The following RBFOX1 variants were observed in gnomAD, a reference collection of about 807,000 sequenced individuals.
RBFOX1 encodes the protein RNA binding fox-1 homolog 1, also known as RNA binding protein fox-1 homolog 1.
Under a neutral mutation model 57.7 loss-of-function variants are expected in RBFOX1, and 8 were observed. The ratio of observed to expected loss-of-function variants is 0.14; its 90% CI spans 0.08 to 0.25. RBFOX1 has a LOEUF of 0.25. Ranked by LOEUF, RBFOX1 falls within the 10% of genes least tolerant of loss-of-function variation. The pLI is 1.00. For missense variants in RBFOX1, 611 were observed against 548.5 expected (o/e 1.11, Z -1.14); for synonymous variants, 326 against 222.4 (o/e 1.47, Z -4.15).
chr16:5,866,170 T>A (rs2057339333), intron 3 of RBFOX1, among the ~76,000 whole-genome samples: 2 of 152,162 alleles, frequency 1.3e-5, no homozygotes, highest in African/African-American at 2.4e-5. Flanking sequence ...GGTTTCACCA[T>A]GTTGGCCAAG....
At chr16:7,107,136 C>T (rs763390322) in intron 4 of RBFOX1, among the ~76,000 whole-genome samples, 7 of 152,104 alleles carry the variant, frequency 4.6e-5, no homozygotes, top group Non-Finnish European at 1.0e-4. Context: ...AGTCAGAATG[C>T]AAGAACATTG....
intron 1 of RBFOX1, among the ~76,000 whole-genome samples, chr16:6,027,979 C>G (rs761384244): frequency 6.6e-6 from 1 of 152,096 alleles, no homozygotes; most frequent in Non-Finnish European, 1.5e-5. Context: ...ATTTATTAGA[C>G]TCGTTATGAA....
rs1368993407 is a variant in RBFOX1 at position 5,908,105 on chromosome 16, T to C, written c.351+40770T>C. 7.9e-5 allele frequency among the ~76,000 whole-genome samples: 11 copies of C among 139,460 alleles called. 1 individual carries two copies. The highest frequency in any genetic ancestry group is 4.2e-4 in the Admixed American group (6 of 14,232). 91.5% of individuals were successfully genotyped at this position (139,460 alleles called of 152,430 possible). A position where few individuals can be genotyped will look rare whatever the true frequency, so the allele number is the denominator to read the frequency against. On this transcript the variant is annotated intron_variant, in intron 4 of 19. Transcript: ENST00000641259. ...ATATATACACATATATACACATATA[T>C]ATATACACATATATACACATATATA...
chr16:5,875,604 T>G (rs1250389316), intron 4 of RBFOX1, among the ~76,000 whole-genome samples: 3 of 152,174 alleles, frequency 2.0e-5, no homozygotes, highest in Non-Finnish European at 4.4e-5. Flanking sequence ...TTTATTAGTG[T>G]GCTTGGTGAC....
intron 1 of RBFOX1, among the ~76,000 whole-genome samples, chr16:6,209,526 T>A (rs1264214735): frequency 6.6e-6 from 1 of 152,248 alleles, no homozygotes; most frequent in East Asian, 1.9e-4. Context: ...GCAGGCAATT[T>A]GCAGATAAAG....
At chr16:6,916,076 C>CTTATAT (rs1435399419) in intron 3 of RBFOX1, among the ~76,000 whole-genome samples, 1 of 152,080 alleles carries the variant, frequency 6.6e-6, no homozygotes, top group African/African-American at 2.4e-5. Context: ...AGACCCAGGG[C>CTTATAT]TTATATACCT....
At chr16:5,581,164 C>CG (rs1418109680) in intron 2 of RBFOX1, among the ~76,000 whole-genome samples, 49 of 151,494 alleles carry the variant, frequency 3.2e-4, no homozygotes, top group South Asian at 1.5e-3. Flanking sequence ...CTCCTATGTG[C>CG]ATTTTTTTTT....
chr16:5,260,825 T>A, intron 1 of RBFOX1: 1 of 152,316 alleles, frequency 6.6e-6, no homozygotes, highest in East Asian at 1.9e-4. Flanking sequence ...TTCATTTTTC[T>A]TTGCATAATT....
intron 4 of RBFOX1, among the ~76,000 whole-genome samples, chr16:7,497,971 CAAGCTTTTAA>C (rs1294917085): frequency 6.6e-6 from 1 of 152,192 alleles, no homozygotes; most frequent in Non-Finnish European, 1.5e-5. Context: ...AGAGTAAAAA[CAAGCTTTTAA>C]AAGCTTTTAC....
chr16:6,265,156 C>A (rs980043844), intron 1 of RBFOX1, among the ~76,000 whole-genome samples: 1 of 152,192 alleles, frequency 6.6e-6, no homozygotes, highest in Admixed American at 6.5e-5. Context: ...CACGAGGAAA[C>A]CTGAAAGGAA....
chr16:6,676,703 C>G (rs1423885922), intron 3 of RBFOX1, among the ~76,000 whole-genome samples: 1 of 101,924 alleles, frequency 9.8e-6, no homozygotes, highest in South Asian at 3.1e-4. Context: ...GAGACAAAGT[C>G]TCACTCTTGT....
At chr16:7,594,242 A>T (rs2094580686) in intron 7 of RBFOX1, among the ~76,000 whole-genome samples, 1 of 151,920 alleles carries the variant, frequency 6.6e-6, no homozygotes, top group Admixed American at 6.6e-5. Flanking sequence ...GGGAGTTATC[A>T]CCAGTTGGTT....
chr16:6,369,050 C>T (rs775286087), intron 2 of RBFOX1, among the ~76,000 whole-genome samples: 2 of 151,952 alleles, frequency 1.3e-5, no homozygotes, highest in Non-Finnish European at 2.9e-5. Context: ...TAATGTGAAA[C>T]AAATTAGTAT....
chr16:6,968,571 A>G (rs150954838), intron 3 of RBFOX1, among the ~76,000 whole-genome samples: 67 of 152,202 alleles, frequency 4.4e-4, no homozygotes, highest in African/African-American at 1.6e-3. Context: ...AAAGTCTCAG[A>G]ATGATGTGAA....
intron 1 of RBFOX1, among the ~76,000 whole-genome samples, chr16:6,266,627 T>TCCTG (rs2074532796): frequency 6.6e-6 from 1 of 150,486 alleles, no homozygotes; most frequent in African/African-American, 2.5e-5. Context: ...GGCAGGAGAG[T>TCCTG]CCCTTGAACC....
rs537742067 is a variant in RBFOX1 at position 5,877,418 on chromosome 16, G to C, written c.351+10083G>C. Among the ~76,000 whole-genome samples, 13 of 152,366 alleles carry C rather than the reference G, an allele frequency of 8.5e-5. No individual in the cohort carries two copies. In the East Asian group the frequency reaches 2.3e-3, roughly 27 times the overall value. On this transcript the variant is annotated intron_variant, in intron 4 of 19. Coordinates refer to the RBFOX1 transcript ENST00000641259. ...TAAGCTGTAATAGAAGTGGGTTCAA[G>C]GGGGAGAGTGAATACCTAGAGGGGG...
At chr16:6,939,458 A>G (rs1196524286) in intron 3 of RBFOX1, among the ~76,000 whole-genome samples, 3 of 150,450 alleles carry the variant, frequency 2.0e-5, no homozygotes, top group Non-Finnish European at 4.4e-5. Flanking sequence ...GGGTTAATGA[A>G]TGTGCTCTGC....
intron 3 of RBFOX1, among the ~76,000 whole-genome samples, chr16:5,782,608 G>A (rs1364909464): frequency 6.6e-6 from 1 of 152,178 alleles, no homozygotes; most frequent in Non-Finnish European, 1.5e-5. Flanking sequence ...CTATGTTAGG[G>A]TTCTCCAGGG....
At chr16:6,820,309 G>A (rs568156386) in intron 3 of RBFOX1, among the ~76,000 whole-genome samples, 6 of 152,120 alleles carry the variant, frequency 3.9e-5, no homozygotes, top group East Asian at 1.9e-4. Context: ...AGACTAATAC[G>A]TCCTCTTAAT....
Sources: allele counts gnomAD v4.1 joint callset (sites outside exome capture counted in the v4.1 genomes callset), GRCh38; gene constraint gnomAD v4.1.1; transcripts MANE v1.5; gene names NCBI Gene and HGNC (gene_info 2026-07-23, HGNC 2026-07-21).